APLF: variants seen among roughly 807,000 people sequenced by gnomAD.
The protein encoded by APLF is aprataxin and PNK-like factor.
Under a neutral mutation model 55.6 loss-of-function variants are expected in APLF, and 61 were observed. The ratio of observed to expected loss-of-function variants is 1.10; its 90% confidence interval spans 0.89 to 1.36. The LOEUF (loss-of-function observed/expected upper bound fraction) is 1.36, where lower values mean the gene tolerates loss of function less well. APLF is among the 40% of genes most tolerant of loss of function. The pLI is 0.00. For missense variants in APLF, 611 were observed against 602.5 expected (o/e 1.01, Z -0.15); for synonymous variants, 207 against 214.8 (o/e 0.96, Z 0.32).
intron 1 of APLF, among the ~76,000 whole-genome samples, chr2:68,471,447 G>C (rs532607220): frequency 7.9e-5 from 12 of 152,206 alleles, no homozygotes; most frequent in Non-Finnish European, 1.8e-4. Flanking sequence ...GAAACTTATA[G>C]TTTTGTAGGG....
At chr2:68,487,821 G>A (rs1266576967) in intron 1 of APLF, among the ~76,000 whole-genome samples, 1 of 151,904 alleles carries the variant, frequency 6.6e-6, no homozygotes. Context: ...CACTATTTAG[G>A]GTTTTACTTT....
At chr2:68,560,672 CTG>C (rs909595935) in intron 8 of APLF, among the ~76,000 whole-genome samples, 1 of 152,008 alleles carries the variant, frequency 6.6e-6, no homozygotes, top group Non-Finnish European at 1.5e-5. Flanking sequence ...AGATCTCAAA[CTG>C]TTAATAATTA....
intron 9 of APLF, among the ~76,000 whole-genome samples, chr2:68,569,321 A>G (rs1428107451): frequency 1.3e-5 from 2 of 152,210 alleles, no homozygotes; most frequent in East Asian, 1.9e-4. Context: ...TAGACTTGAT[A>G]TGAGAATTTT....
chr2:68,514,886 T>A (rs917884198), intron 5 of APLF, among the ~76,000 whole-genome samples: 4 of 151,836 alleles, frequency 2.6e-5, no homozygotes. Flanking sequence ...TTGAAAAATA[T>A]TTTTTTCCTG....
chr2:68,476,395 A>AT (rs1267460687), intron 1 of APLF, among the ~76,000 whole-genome samples: 3 of 150,990 alleles, frequency 2.0e-5, no homozygotes, highest in Admixed American at 6.6e-5. Context: ...AGGCAGGAAA[A>AT]TCGTTTGAAC....
chr2:68,544,197 C>T (rs13426216), intron 7 of APLF, among the ~76,000 whole-genome samples: 36,283 of 151,766 alleles, frequency 0.24, 7,004 homozygotes, highest in African/African-American at 0.54. Flanking sequence ...CAGGCTGGTC[C>T]TGAACTCCTG....
intron 1 of APLF, among the ~76,000 whole-genome samples, chr2:68,484,693 A>G (rs1447138432): frequency 6.8e-6 from 1 of 147,624 alleles, no homozygotes; most frequent in African/African-American, 2.5e-5. Context: ...CTTAGTCTGA[A>G]AAAAAAAAAA....
chr2:68,480,360 G>A (rs546712257), intron 1 of APLF, among the ~76,000 whole-genome samples: 7 of 150,936 alleles, frequency 4.6e-5, no homozygotes, highest in African/African-American at 1.5e-4. Flanking sequence ...GCTGGAGTGC[G>A]GTGGCATGAT....
chr2:68,568,183 T>C, intron 9 of APLF: 1 of 732,240 alleles, frequency 1.4e-6, no homozygotes, highest in South Asian at 6.2e-5. Context: ...TTCTAAACTG[T>C]ATTTTTCTTC....
At chr2:68,543,882 G>A (rs772539739) in intron 7 of APLF, among the ~76,000 whole-genome samples, 1 of 151,958 alleles carries the variant, frequency 6.6e-6, no homozygotes, top group Admixed American at 6.6e-5. Flanking sequence ...AGACAATACT[G>A]ATCTGTTGTT....
chr2:68,484,313 A>G (rs1044290644), intron 1 of APLF, among the ~76,000 whole-genome samples: 1 of 152,150 alleles, frequency 6.6e-6, no homozygotes, highest in Non-Finnish European at 1.5e-5. Context: ...CAGAAAGTCA[A>G]ATATAAGGGA....
chr2:68,544,091 C>T (rs558755590), intron 7 of APLF, among the ~76,000 whole-genome samples: 157 of 151,020 alleles, frequency 1.0e-3, no homozygotes, highest in Non-Finnish European at 1.8e-3. Flanking sequence ...AAGCAGTTCT[C>T]CTGCCTCAGC....
In APLF at chr2:68,560,144, T is replaced by C. The variant is rs1364256717; in HGVS notation, c.1287-7197T>C. Among the ~76,000 whole-genome samples the C allele has an allele frequency of 4.6e-5, 7 of 152,248 alleles. No individual in the cohort carries two copies. The South Asian group carries it at 6.2e-4, about 14-fold the overall frequency. On this transcript the variant is annotated intron_variant, in intron 8 of 9. Coordinates refer to ENST00000303795, the MANE Select transcript of APLF (RefSeq NM_173545.3). ...TCTCTACCTGTATGTTCAATCACTC[T>C]CTATATCCTTCTCTTTATTTTTCTT...
chr2:68,517,959 G>A (rs1669685414), intron 5 of APLF, among the ~76,000 whole-genome samples: 1 of 139,200 alleles, frequency 7.2e-6, no homozygotes, highest in African/African-American at 2.7e-5. Context: ...TCACTAATAT[G>A]TGTTAATATA....
chr2:68,513,614 C>A lies in APLF; in HGVS notation c.556C>A (p.Leu186Ile). 2 of 1,611,552 alleles carry A rather than the reference C, an allele frequency of 1.2e-6. No individual in the cohort carries two copies. Among genetic ancestry groups the A allele is most frequent in the Non-Finnish European group, 1.7e-6 (2 of 1,178,320 alleles). Residue 186 changes from leucine to isoleucine, a missense_variant, in exon 5 of 10, where the codon CTT (leucine) becomes ATT (isoleucine). By Grantham distance (5) the Leu-to-Ile change is conservative (BLOSUM62 2). Coordinates refer to ENST00000303795, the MANE Select transcript of APLF (RefSeq NM_173545.3). ...QPILAERKRILPTWMLAEHLS... is the reference protein window; with the variant it reads ...QPILAERKRIIPTWMLAEHLS... ...AATCCTTGCCGAGAGGAAAAGAATC[C>A]TTCCAACTTGGATGTTAGCAGAACA...
chr2:68,478,659 T>A (rs1490059143), intron 1 of APLF, among the ~76,000 whole-genome samples: 3 of 152,116 alleles, frequency 2.0e-5, no homozygotes, highest in Non-Finnish European at 4.4e-5. Flanking sequence ...AAGATAATCA[T>A]TGAGGAGAAA....
chr2:68,540,642 TC>T (rs1670521846), intron 7 of APLF, among the ~76,000 whole-genome samples: 1 of 152,176 alleles, frequency 6.6e-6, no homozygotes, highest in Non-Finnish European at 1.5e-5. Flanking sequence ...GTAAAAGTGT[TC>T]CTATTTCTCC....
chr2:68,536,407 A>G (rs146868766), intron 6 of APLF, among the ~76,000 whole-genome samples: 2 of 152,296 alleles, frequency 1.3e-5, no homozygotes, highest in East Asian at 3.9e-4. Flanking sequence ...AGGTCATGTA[A>G]AACCAGCTCT....
intron 7 of APLF, among the ~76,000 whole-genome samples, chr2:68,544,520 C>A (rs916839818): frequency 1.8e-4 from 28 of 152,012 alleles, no homozygotes; most frequent in Non-Finnish European, 2.8e-4. Flanking sequence ...TATGTTAAGA[C>A]ATGTTATTAT....
Sources: gnomAD v4.1 joint callset for allele counts (sites outside exome capture counted in the v4.1 genomes callset) on GRCh38, gnomAD v4.1.1 for gene constraint, MANE v1.5 for transcripts, NCBI Gene and HGNC (gene_info 2026-07-23, HGNC 2026-07-21) for gene names.